EDIL3: variants seen among roughly 807,000 people sequenced by gnomAD.
EDIL3 encodes the protein EGF-like repeat and discoidin I-like domain-containing protein 3.
In EDIL3, 37 loss-of-function variants were observed where a neutral mutation model predicts 67.4. The observed-to-expected ratio is 0.55, with a 90% CI of 0.42 to 0.72. EDIL3 has a LOEUF of 0.72. Among genes scored for constraint, EDIL3 ranks in the 30% least tolerant of loss-of-function variants. The pLI is 0.00. For missense variants in EDIL3, 527 were observed against 586.3 expected (o/e 0.90, Z 1.04); for synonymous variants, 195 against 196.3 (o/e 0.99, Z 0.05).
chr5:84,192,986 G>A (rs1434176745), intron 3 of EDIL3, among the ~76,000 whole-genome samples: 2 of 151,906 alleles, frequency 1.3e-5, no homozygotes, highest in Non-Finnish European at 2.9e-5. Flanking sequence ...AGAAGGAGAA[G>A]GAGGGCAAGA....
chr5:84,123,821 G>GT (rs1218456277), intron 5 of EDIL3, among the ~76,000 whole-genome samples: 3 of 151,890 alleles, frequency 2.0e-5, no homozygotes, highest in Non-Finnish European at 2.9e-5. Context: ...CTTGGAAGCA[G>GT]TGGAGGTGTG....
intron 1 of EDIL3, among the ~76,000 whole-genome samples, chr5:84,266,241 A>T (rs949126678): frequency 1.3e-5 from 2 of 152,140 alleles, no homozygotes; most frequent in African/African-American, 4.8e-5. Flanking sequence ...GTCACACAAC[A>T]TGACCACTTA....
chr5:84,119,189 C>CAGCCATGT (rs1561436855), intron 5 of EDIL3, among the ~76,000 whole-genome samples: 1 of 142,410 alleles, frequency 7.0e-6, no homozygotes, highest in Admixed American at 7.2e-5. Context: ...GCTACCAGTT[C>CAGCCATGT]AGCCATGTTT....
intron 9 of EDIL3, among the ~76,000 whole-genome samples, chr5:83,981,246 G>T (rs1744965162): frequency 6.6e-6 from 1 of 151,896 alleles, no homozygotes; most frequent in African/African-American, 2.4e-5. Context: ...AACTCACTAG[G>T]AAGCTAGAAA....
intron 6 of EDIL3, among the ~76,000 whole-genome samples, chr5:84,102,548 T>C (rs1027079258): frequency 2.0e-5 from 3 of 151,530 alleles, no homozygotes; most frequent in African/African-American, 7.3e-5. Context: ...CATTCCTATA[T>C]AGCAACCACA....
intron 1 of EDIL3, among the ~76,000 whole-genome samples, chr5:84,316,167 T>G (rs111304878): frequency 1.6e-4 from 24 of 152,120 alleles, no homozygotes; most frequent in African/African-American, 5.8e-4. Context: ...TGCCAAATTG[T>G]AATAACCATA....
chr5:83,946,771 G>C (rs1744318810), intron 10 of EDIL3, among the ~76,000 whole-genome samples: 1 of 151,834 alleles, frequency 6.6e-6, no homozygotes, highest in Non-Finnish European at 1.5e-5. Flanking sequence ...GCATATTTCA[G>C]TTTCTTTTAG....
In EDIL3 at chr5:84,254,140, G is replaced by GA; in HGVS notation, c.139dup (p.Ser47PhefsTer3). 2 of 1,613,072 alleles carry GA rather than the reference G, an allele frequency of 1.2e-6. No homozygotes were observed. The highest frequency in any genetic ancestry group is 1.7e-6 in the Non-Finnish European group (2 of 1,179,482). ...TGTGAAGCCATCTGGACACTCACAG[G>GA]AAAAGGAACCATCAGCCAATCCTGG... On this transcript the variant is annotated frameshift_variant, in exon 2 of 11. Coordinates refer to ENST00000296591, the MANE Select transcript of EDIL3 (RefSeq NM_005711.5). LOFTEE classifies it high-confidence loss of function.
At chr5:84,221,623 A>C (rs1338229779) in intron 3 of EDIL3, among the ~76,000 whole-genome samples, 1 of 152,090 alleles carries the variant, frequency 6.6e-6, no homozygotes, top group African/African-American at 2.4e-5. Flanking sequence ...AAACTGACCA[A>C]AGCCACATCT....
intron 1 of EDIL3, among the ~76,000 whole-genome samples, chr5:84,330,288 A>C (rs1651283625): frequency 6.6e-6 from 1 of 152,204 alleles, no homozygotes; most frequent in Admixed American, 6.5e-5. Context: ...TGGGATTCAG[A>C]AATGTGCAAG....
intron 1 of EDIL3, among the ~76,000 whole-genome samples, chr5:84,380,068 C>A (rs1748043569): frequency 6.6e-6 from 1 of 151,818 alleles, no homozygotes; most frequent in Non-Finnish European, 1.5e-5. Context: ...TACTTAAATT[C>A]TTGCTGTATC....
chr5:83,983,666 G>T (rs1745009364), intron 9 of EDIL3, among the ~76,000 whole-genome samples: 1 of 151,756 alleles, frequency 6.6e-6, no homozygotes, highest in Non-Finnish European at 1.5e-5. Flanking sequence ...ATGGGGGAAA[G>T]GTCCCCAGAT....
intron 6 of EDIL3, among the ~76,000 whole-genome samples, chr5:84,070,867 T>C (rs181402910): frequency 6.6e-6 from 1 of 152,286 alleles, no homozygotes; most frequent in Admixed American, 6.5e-5. Context: ...AGTGTATGTT[T>C]GTGTAGCTGG....
intron 5 of EDIL3, among the ~76,000 whole-genome samples, chr5:84,119,433 C>T (rs1210748018): frequency 6.6e-6 from 1 of 151,878 alleles, no homozygotes; most frequent in East Asian, 1.9e-4. Context: ...CCAAAGCATT[C>T]AAATTGTCAG....
chr5:84,340,950 G>A (rs557144297), intron 1 of EDIL3, among the ~76,000 whole-genome samples: 9 of 151,708 alleles, frequency 5.9e-5, no homozygotes, highest in South Asian at 4.2e-4. Context: ...TGCCACCACC[G>A]CATCATCCCT....
chr5:84,107,790 C>T (rs146335013), intron 5 of EDIL3, among the ~76,000 whole-genome samples: 77 of 149,782 alleles, frequency 5.1e-4, no homozygotes, highest in African/African-American at 1.5e-3. Flanking sequence ...TTCTTAATTG[C>T]GTTATAAAAT....
intron 4 of EDIL3, among the ~76,000 whole-genome samples, chr5:84,148,637 C>G (rs1033735916): frequency 4.6e-5 from 7 of 152,092 alleles, no homozygotes; most frequent in African/African-American, 1.7e-4. Flanking sequence ...CTAGATTTCC[C>G]TCATTCCAGA....
At chr5:84,152,197 C>T (rs1028100499) in intron 4 of EDIL3, among the ~76,000 whole-genome samples, 4 of 152,132 alleles carry the variant, frequency 2.6e-5, no homozygotes, top group African/African-American at 4.8e-5. Flanking sequence ...GGATTACAGG[C>T]GTGAGCCACT....
intron 4 of EDIL3, among the ~76,000 whole-genome samples, chr5:84,162,179 C>G (rs1748623725): frequency 6.6e-6 from 1 of 152,052 alleles, no homozygotes; most frequent in Admixed American, 6.6e-5. Context: ...ATTCTGGGTT[C>G]TGGATTATCT....
Sources: allele counts gnomAD v4.1 joint callset (sites outside exome capture counted in the v4.1 genomes callset), GRCh38; gene constraint gnomAD v4.1.1; transcripts MANE v1.5; gene names NCBI Gene and HGNC (gene_info 2026-07-23, HGNC 2026-07-21).